The following SOS2 variants were observed in gnomAD, a reference collection of about 807,000 sequenced individuals.
SOS2 encodes the protein son of sevenless homolog 2.
SOS2 carries 65 observed loss-of-function variants against 148.2 expected under a neutral mutation model. That is an observed-to-expected ratio of 0.44 (90% CI 0.36 to 0.54). The LOEUF (loss-of-function observed/expected upper bound fraction) is 0.54, where lower values mean the gene tolerates loss of function less well. Ranked by LOEUF, SOS2 falls within the 20% of genes least tolerant of loss-of-function variation. SOS2 has a pLI of 0.00. For missense variants in SOS2, 1,341 were observed against 1,590.2 expected, an observed-to-expected ratio of 0.84 and a Z score of 2.67; for synonymous variants, 539 against 537.1, an observed-to-expected ratio of 1.00 and a Z score of -0.05.
At chr14:50,194,453 ATTTTTTTTTTTTT>A (rs58933204) in intron 4 of SOS2, among the ~76,000 whole-genome samples, 2 of 98,764 alleles carry the variant, frequency 2.0e-5, no homozygotes, top group African/African-American at 8.1e-5. Flanking sequence ...ATCCCTTTCA[ATTTTTTTTTTTTT>A]TTTTTTTTTT....
At chr14:50,162,561 T>C (rs1452005979) in intron 8 of SOS2, among the ~76,000 whole-genome samples, 1 of 152,244 alleles carries the variant, frequency 6.6e-6, no homozygotes, top group African/African-American at 2.4e-5. Context: ...CTCTAATGAT[T>C]ACTTTGTTTT....
chr14:50,178,188 G>A (rs1188586834), intron 7 of SOS2, among the ~76,000 whole-genome samples: 1 of 152,112 alleles, frequency 6.6e-6, no homozygotes, highest in Non-Finnish European at 1.5e-5. Flanking sequence ...TTGGAGGTGG[G>A]GCCTAGTGGG....
intron 2 of SOS2, 102 bp from the exon 3 acceptor site, chr14:50,201,186 T>A: frequency 9.4e-7 from 1 of 1,064,708 alleles, no homozygotes; most frequent in Non-Finnish European, 1.4e-6. Context: ...TGCTAGCAGA[T>A]AATAGTGACA....
Position 50,145,242 on chromosome 14 carries a change from A to G in SOS2, c.2595T>C (p.Asn865=). Residue 865 remains asparagine, a synonymous_variant, in exon 16 of 23, where the codon AAT becomes AAC. Coordinates refer to ENST00000216373, the MANE Select transcript of SOS2 (RefSeq NM_006939.4). ...EILQVFQDLN[N]FNGVLEIVSA... is the part of the protein sequence containing the mutation. ...TGACTATCTCCAATACGCCATTGAA[A>G]TTATTCAAATCTTGAAAAACTTGCA... 2 of 1,611,938 alleles carry G rather than the reference A, an allele frequency of 1.2e-6. No individual in the cohort carries two copies. The highest frequency in any genetic ancestry group is 1.7e-6 in the Non-Finnish European group (2 of 1,178,192).
chr14:50,229,491 C>G (rs1211019902), intron 1 of SOS2, among the ~76,000 whole-genome samples: 1 of 139,726 alleles, frequency 7.2e-6, no homozygotes, highest in Non-Finnish European at 1.6e-5. Flanking sequence ...CTTGGCTTCT[C>G]CAGCCTAACT....
intron 21 of SOS2, among the ~76,000 whole-genome samples, chr14:50,129,717 T>C (rs1453024365): frequency 6.6e-6 from 1 of 152,202 alleles, no homozygotes; most frequent in East Asian, 1.9e-4. Context: ...ATTTAATCCT[T>C]AACAAGTGTG....
chr14:50,151,939 G>A (rs1053822479), intron 13 of SOS2, among the ~76,000 whole-genome samples: 8 of 152,040 alleles, frequency 5.3e-5, no homozygotes, highest in South Asian at 2.1e-4. Context: ...GCCCAGACTG[G>A]TCTCAAACTT....
intron 1 of SOS2, among the ~76,000 whole-genome samples, chr14:50,222,552 A>C (rs2139859303): frequency 6.6e-6 from 1 of 152,344 alleles, no homozygotes; most frequent in Non-Finnish European, 1.5e-5. Flanking sequence ...CTCTCCAAGA[A>C]AATGATGTCT....
chr14:50,231,157 C>T (rs1300078373), intron 1 of SOS2, 40 bp downstream of exon 1: 5 of 1,247,306 alleles, frequency 4.0e-6, no homozygotes, highest in South Asian at 3.9e-5. Context: ...GCTCGGGGGG[C>T]CACGGGCCAC....
chr14:50,189,330 G>GAAAAAAAAAAAAAAAAAAAAAAAAAAA (rs1566472509), intron 4 of SOS2, among the ~76,000 whole-genome samples: 1 of 3,604 alleles, frequency 2.8e-4, no homozygotes, highest in East Asian at 8.3e-3. Context: ...ACACATAATA[G>GAAAAAAAAAAAAAAAAAAAAAAAAAAA]CAAAAAAAAA....
Position 50,177,387 on chromosome 14 carries a change from A to G in SOS2, c.970-2835T>C, listed in dbSNP as rs144214485. ...ATGCTTTTTGTTTTTAGTTTTATTAAGGAAGCATTATTTTATCTTAAACTG... is the reference window on the plus strand; with the variant it reads ...ATGCTTTTTGTTTTTAGTTTTATTAGGGAAGCATTATTTTATCTTAAACTG... On this transcript the variant is annotated intron_variant, in intron 7 of 22. Coordinates refer to ENST00000216373, the MANE Select transcript of SOS2 (RefSeq NM_006939.4). Among the ~76,000 whole-genome samples, 66 of 152,330 alleles carry G rather than the reference A, an allele frequency of 4.3e-4. No homozygotes were observed. The East Asian group carries it at 0.012, about 28-fold the overall frequency.
At position 50,181,245 on chromosome 14, in the gene SOS2, G is replaced by A. The variant is rs1280803811; in HGVS notation, c.859-563C>T. 5.3e-5 allele frequency among the ~76,000 whole-genome samples: 8 copies of A among 152,040 alleles called. No individual in the cohort carries two copies. The East Asian group carries it at 1.3e-3, about 26-fold the overall frequency. ...GGACGGATCATGAGGTCAGGAGTTC[G>A]AGGCCAGCCTAGCCAACAGAGAGGA... On this transcript the variant is annotated intron_variant, in intron 6 of 22. Transcript: ENST00000216373.
intron 4 of SOS2, among the ~76,000 whole-genome samples, chr14:50,196,366 C>G (rs561847276): frequency 6.6e-6 from 1 of 152,226 alleles, no homozygotes; most frequent in East Asian, 1.9e-4. Flanking sequence ...ATGCACACAT[C>G]AGAATAAAAT....
intron 14 of SOS2, among the ~76,000 whole-genome samples, chr14:50,148,188 G>C (rs1884551573): frequency 6.6e-6 from 1 of 151,994 alleles, no homozygotes; most frequent in African/African-American, 2.4e-5. Flanking sequence ...GAGGTGGGTG[G>C]ATCACTGGAG....
chr14:50,215,457 TACC>T, intron 1 of SOS2: 2 of 1,259,076 alleles, frequency 1.6e-6, no homozygotes, highest in South Asian at 1.3e-5. Context: ...AACATAAAAT[TACC>T]ACGACAGAAC....
At chr14:50,132,333 A>T (rs1883902308) in intron 19 of SOS2, among the ~76,000 whole-genome samples, 1 of 142,720 alleles carries the variant, frequency 7.0e-6, no homozygotes, top group Non-Finnish European at 1.5e-5. Context: ...CCTGGGCAAT[A>T]TAGCAAGACT....
At chr14:50,205,329 G>A (rs1162858720) in intron 1 of SOS2, among the ~76,000 whole-genome samples, 1 of 152,086 alleles carries the variant, frequency 6.6e-6, no homozygotes, top group Non-Finnish European at 1.5e-5. Flanking sequence ...TGAGATTATA[G>A]CATGAGCCAC....
At chr14:50,207,953 T>C (rs1886721791) in intron 1 of SOS2, among the ~76,000 whole-genome samples, 1 of 149,854 alleles carries the variant, frequency 6.7e-6, no homozygotes, top group East Asian at 2.0e-4. Flanking sequence ...CATCCCAATA[T>C]ATATGTAAAA....
At chr14:50,208,068 G>A (rs1033296717) in intron 1 of SOS2, among the ~76,000 whole-genome samples, 6 of 152,198 alleles carry the variant, frequency 3.9e-5, no homozygotes, top group Non-Finnish European at 8.8e-5. Context: ...GGCCGAGGCG[G>A]GTGGATCACT....
Sources: gnomAD v4.1 joint callset for allele counts (sites outside exome capture counted in the v4.1 genomes callset) on GRCh38, gnomAD v4.1.1 for gene constraint, MANE v1.5 for transcripts, NCBI Gene and HGNC (gene_info 2026-07-23, HGNC 2026-07-21) for gene names.